The following PDSS2 variants were observed in gnomAD, a reference collection of about 807,000 sequenced individuals.
PDSS2 encodes the protein decaprenyl diphosphate synthase subunit 2.
In PDSS2, 31 loss-of-function variants were observed where a neutral mutation model predicts 44.5. The observed-to-expected ratio is 0.70, with a 90% confidence interval of 0.52 to 0.94. The LOEUF (loss-of-function observed/expected upper bound fraction) is 0.94. Among genes scored for constraint, PDSS2 ranks in the 40% least tolerant of loss-of-function variants. The pLI, the probability that PDSS2 is intolerant of heterozygous loss-of-function variation, is 0.00. For missense variants in PDSS2, 452 were observed against 482.2 expected, an observed-to-expected ratio of 0.94 and a Z score of 0.59; for synonymous variants, 157 against 180.3, an observed-to-expected ratio of 0.87 and a Z score of 1.03.
chr6:107,361,132 G>A (rs1367693813), intron 1 of PDSS2, among the ~76,000 whole-genome samples: 1 of 152,028 alleles, frequency 6.6e-6, no homozygotes, highest in Non-Finnish European at 1.5e-5. Context: ...TAACAAAATG[G>A]TGTCTCATAT....
chr6:107,349,347 G>T (rs1414575287), intron 1 of PDSS2, among the ~76,000 whole-genome samples: 1 of 151,690 alleles, frequency 6.6e-6, no homozygotes, highest in Non-Finnish European at 1.5e-5. Context: ...GCAGGAGAAT[G>T]GCGTGAACCT....
chr6:107,353,593 G>A (rs1778499127), intron 1 of PDSS2, among the ~76,000 whole-genome samples: 1 of 151,772 alleles, frequency 6.6e-6, no homozygotes, highest in Non-Finnish European at 1.5e-5. Flanking sequence ...GCCTTCTTTT[G>A]CTTGTTACAT....
chr6:107,429,015 C>T lies in PDSS2; in HGVS notation c.296+29975G>A, dbSNP rs149780637. ...ATGCCCAGTCTAAAGGATGCAGCCA[C>T]TACCTGACACCAGCACTCCCATGCT... is the stretch of plus-strand genomic sequence containing the variant. On this transcript the variant is annotated intron_variant, in intron 1 of 7. Coordinates refer to ENST00000369037, the MANE Select transcript of PDSS2 (RefSeq NM_020381.4). Among the ~76,000 whole-genome samples the T allele has an allele frequency of 2.0e-5, 3 of 152,326 alleles. 1 individual carries two copies. The East Asian group carries it at 5.8e-4, about 29-fold the overall frequency.
chr6:107,446,000 T>C lies in PDSS2; in HGVS notation c.296+12990A>G, dbSNP rs187997534. ...TCTCTCTTTCTCTCTGGATTTGAAG[T>C]GCTTTTTTTAAGGCTTTTCAAAATA... is the stretch of plus-strand genomic sequence containing the variant. On this transcript the variant is annotated intron_variant, in intron 1 of 7. Transcript: ENST00000369037. Among the ~76,000 whole-genome samples, 208 of 152,256 alleles carry C rather than the reference T, an allele frequency of 1.4e-3. 1 individual carries two copies. The highest frequency in any genetic ancestry group is 1.7e-3 in the Non-Finnish European group (119 of 68,008).
intron 1 of PDSS2, among the ~76,000 whole-genome samples, chr6:107,392,044 T>TA (rs559020536): frequency 1.4e-4 from 22 of 152,004 alleles, no homozygotes; most frequent in East Asian, 9.7e-4. Flanking sequence ...CATTTCTTTA[T>TA]AAAAAAAACA....
chr6:107,416,477 A>G (rs1274612400), intron 1 of PDSS2, among the ~76,000 whole-genome samples: 1 of 152,206 alleles, frequency 6.6e-6, no homozygotes, highest in East Asian at 1.9e-4. Flanking sequence ...ATAAATTAGA[A>G]TGTAATTAAA....
chr6:107,393,512 A>G (rs191845074), intron 1 of PDSS2, among the ~76,000 whole-genome samples: 1 of 152,312 alleles, frequency 6.6e-6, no homozygotes, highest in Non-Finnish European at 1.5e-5. Context: ...AATGTCAATT[A>G]GGTCAAGTTG....
intron 1 of PDSS2, among the ~76,000 whole-genome samples, chr6:107,380,517 A>G (rs1779424214): frequency 6.6e-6 from 1 of 152,182 alleles, no homozygotes; most frequent in Admixed American, 6.5e-5. Context: ...CAAATGCATG[A>G]GGGGATTTTT....
intron 2 of PDSS2, among the ~76,000 whole-genome samples, chr6:107,281,384 G>T (rs916761718): frequency 9.2e-5 from 14 of 152,174 alleles, no homozygotes; most frequent in African/African-American, 3.4e-4. Flanking sequence ...GAGTCTTGTT[G>T]TAAGTCTTGT....
At chr6:107,350,010 A>G (rs567648108) in intron 1 of PDSS2, among the ~76,000 whole-genome samples, 2 of 152,224 alleles carry the variant, frequency 1.3e-5, no homozygotes, top group East Asian at 3.9e-4. Context: ...GGCCTTTACA[A>G]TTTCGAAAAT....
intron 4 of PDSS2, among the ~76,000 whole-genome samples, chr6:107,230,870 T>C (rs1774025677): frequency 6.6e-6 from 1 of 152,102 alleles, no homozygotes; most frequent in Non-Finnish European, 1.5e-5. Flanking sequence ...ATTTAGTGGT[T>C]TAAAGCAAGA....
At chr6:107,262,534 G>A (rs2114889338) in intron 3 of PDSS2, among the ~76,000 whole-genome samples, 1 of 152,160 alleles carries the variant, frequency 6.6e-6, no homozygotes, top group Middle Eastern at 3.4e-3. Flanking sequence ...CATTTTGGGA[G>A]GCTTGAGGCG....
chr6:107,194,879 A>C (rs916737931), intron 6 of PDSS2, among the ~76,000 whole-genome samples: 1 of 152,144 alleles, frequency 6.6e-6, no homozygotes, highest in Non-Finnish European at 1.5e-5. Flanking sequence ...GCTTGAACCC[A>C]GGAGGCGGAG....
At chr6:107,441,265 C>T (rs1204435789) in intron 1 of PDSS2, among the ~76,000 whole-genome samples, 1 of 152,186 alleles carries the variant, frequency 6.6e-6, no homozygotes, top group East Asian at 1.9e-4. Context: ...CTTCTACCAA[C>T]ATTTCTTTTG....
chr6:107,459,123 C>G lies in PDSS2; in HGVS notation c.163G>C (p.Glu55Gln), dbSNP rs1389652025. 2.5e-6 allele frequency: 4 copies of G among 1,614,040 alleles called. No homozygotes were observed. Among genetic ancestry groups the G allele is most frequent in the Non-Finnish European group, 1.7e-6 (2 of 1,180,050 alleles). The change falls in exon 1 of 8, where the codon GAG becomes CAG. Residue 55 changes from glutamate to glutamine, a missense_variant. Transcript: ENST00000369037. This position sits in a 1 kb window ranked among gnomAD's most constrained non-coding sequence, Gnocchi z 4.3. ...SPAHWNQVVS[E>Q]AEKIVGYPTS... ...GGGTACCCCACGATCTTCTCCGCCTCTGACACTACCTGATTCCAGTGGGCC... is the reference window on the plus strand; with the variant it reads ...GGGTACCCCACGATCTTCTCCGCCTGTGACACTACCTGATTCCAGTGGGCC...
chr6:107,242,526 G>A (rs371248594), intron 4 of PDSS2, among the ~76,000 whole-genome samples: 78 of 151,808 alleles, frequency 5.1e-4, no homozygotes, highest in African/African-American at 1.8e-3. Flanking sequence ...TTACAGGCGT[G>A]AGCCACCACG....
chr6:107,242,624 C>T (rs1051568455), intron 4 of PDSS2, among the ~76,000 whole-genome samples: 2 of 152,136 alleles, frequency 1.3e-5, no homozygotes, highest in African/African-American at 2.4e-5. Context: ...CTTATTGTAA[C>T]GTCAAACTCC....
At chr6:107,421,478 A>C (rs1780821247) in intron 1 of PDSS2, among the ~76,000 whole-genome samples, 2 of 152,316 alleles carry the variant, frequency 1.3e-5, no homozygotes, top group African/African-American at 4.8e-5. Context: ...TGGTACATTC[A>C]TACAATGAGA....
At chr6:107,239,634 CTTTTTTTT>C (rs1177940710) in intron 4 of PDSS2, among the ~76,000 whole-genome samples, 1 of 76,926 alleles carries the variant, frequency 1.3e-5, no homozygotes, top group East Asian at 4.6e-4. Flanking sequence ...TGTACTCTAC[CTTTTTTTT>C]TTTTTTTTTT....
Sources: gnomAD v4.1 joint callset for allele counts (sites outside exome capture counted in the v4.1 genomes callset) on GRCh38, gnomAD v4.1.1 for gene constraint, Gnocchi (gnomAD v3.1) non-coding constraint, MANE v1.5 for transcripts, NCBI Gene and HGNC (gene_info 2026-07-23, HGNC 2026-07-21) for gene names.